CLDN10: variants seen among roughly 807,000 people sequenced by gnomAD.
CLDN10 encodes the protein claudin 10.
A neutral mutation model predicts 22.9 loss-of-function variants in CLDN10; 15 were observed. That is an observed-to-expected ratio of 0.65 (90% CI 0.44 to 1.01). The LOEUF is 1.01. CLDN10 is among the 50% of genes least tolerant of loss of function. The probability of loss-of-function intolerance (pLI) is 0.00; values close to 1 mark genes in which losing one functional copy is unlikely to be tolerated. For missense variants in CLDN10, 247 were observed against 287.8 expected (o/e 0.86, Z 1.03); for synonymous variants, 114 against 111.4 (o/e 1.02, Z -0.15).
chr13:95,456,006 C>T (rs2042478967), intron 1 of CLDN10, among the ~76,000 whole-genome samples: 1 of 152,150 alleles, frequency 6.6e-6, no homozygotes, highest in Non-Finnish European at 1.5e-5. Context: ...AGTTAGACTT[C>T]AAGATGACTT....
chr13:95,491,874 A>T (rs4773907), intron 1 of CLDN10, among the ~76,000 whole-genome samples: 69,667 of 151,348 alleles, frequency 0.46, 16,754 homozygotes, highest in Non-Finnish European at 0.52. Flanking sequence ...GATGTAGTAC[A>T]CCCCCCTTTT....
chr13:95,483,276 T>C (rs1006509028), intron 1 of CLDN10, among the ~76,000 whole-genome samples: 8 of 152,240 alleles, frequency 5.3e-5, no homozygotes, highest in African/African-American at 9.6e-5. Context: ...GGAAACATTA[T>C]TTGGGAGATT....
intron 1 of CLDN10, among the ~76,000 whole-genome samples, chr13:95,500,961 C>A (rs1475599463): frequency 4.6e-5 from 7 of 151,954 alleles, no homozygotes; most frequent in Non-Finnish European, 1.0e-4. Flanking sequence ...GTAAGGGATA[C>A]CATCGAGGGC....
At chr13:95,525,632 C>T (rs9590295) in intron 1 of CLDN10, among the ~76,000 whole-genome samples, 58,598 of 151,882 alleles carry the variant, frequency 0.39, 11,551 homozygotes, top group African/African-American at 0.45. Context: ...GCTGGGATTA[C>T]AGGCGTGCAC....
chr13:95,520,867 C>G (rs2043217574), intron 1 of CLDN10, among the ~76,000 whole-genome samples: 2 of 151,692 alleles, frequency 1.3e-5, no homozygotes, highest in African/African-American at 2.4e-5. Flanking sequence ...GTAGTCCCAG[C>G]TAGTTAGGAG....
At chr13:95,546,952 T>C (rs1236846350) in intron 1 of CLDN10, among the ~76,000 whole-genome samples, 2 of 152,108 alleles carry the variant, frequency 1.3e-5, no homozygotes, top group Non-Finnish European at 2.9e-5. Context: ...TGGTCACTTC[T>C]TTCATTTATT....
At chr13:95,444,103 C>A (rs1260854329) in intron 1 of CLDN10, among the ~76,000 whole-genome samples, 1 of 152,202 alleles carries the variant, frequency 6.6e-6, no homozygotes, top group Non-Finnish European at 1.5e-5. Flanking sequence ...AGCTCCTCTC[C>A]CTGCTCATTG....
At chr13:95,459,252 T>C (rs1308602311) in intron 1 of CLDN10, among the ~76,000 whole-genome samples, 1 of 152,194 alleles carries the variant, frequency 6.6e-6, no homozygotes, top group Non-Finnish European at 1.5e-5. Flanking sequence ...TCTACCATTA[T>C]GGGGTCTGGA....
chr13:95,496,070 T>C (rs1347565011), intron 1 of CLDN10, among the ~76,000 whole-genome samples: 1 of 152,238 alleles, frequency 6.6e-6, no homozygotes, highest in African/African-American at 2.4e-5. Context: ...CTCTTTTCCC[T>C]GAAATGGCAC....
chr13:95,517,382 C>T (rs960810308), intron 1 of CLDN10, among the ~76,000 whole-genome samples: 6 of 152,016 alleles, frequency 3.9e-5, no homozygotes, highest in East Asian at 1.9e-4. Context: ...CCTAGGGATC[C>T]GGTGGTGGGA....
At chr13:95,559,372 C>T (rs1052707043) in intron 1 of CLDN10, among the ~76,000 whole-genome samples, 13 of 152,170 alleles carry the variant, frequency 8.5e-5, no homozygotes, top group Admixed American at 7.2e-4. Flanking sequence ...GATGAACAAA[C>T]GAACTGACAG....
chr13:95,453,366 C>T (rs1422727799), intron 1 of CLDN10, among the ~76,000 whole-genome samples: 1 of 152,204 alleles, frequency 6.6e-6, no homozygotes, highest in African/African-American at 2.4e-5. Flanking sequence ...CAGTCTCAAA[C>T]TCCATTAGCC....
chr13:95,466,070 G>A (rs576762727), intron 1 of CLDN10, among the ~76,000 whole-genome samples: 1 of 151,236 alleles, frequency 6.6e-6, no homozygotes, highest in African/African-American at 2.4e-5. Context: ...ATATTTTTAT[G>A]TTATATATAT....
chr13:95,443,228 G>A (rs912871659), intron 1 of CLDN10, among the ~76,000 whole-genome samples: 1 of 152,180 alleles, frequency 6.6e-6, no homozygotes, highest in African/African-American at 2.4e-5. Flanking sequence ...TGGACCTTAG[G>A]TGAATCCCTG....
At chr13:95,470,921 T>C (rs901162333) in intron 1 of CLDN10, among the ~76,000 whole-genome samples, 1 of 152,044 alleles carries the variant, frequency 6.6e-6, no homozygotes, top group Admixed American at 6.6e-5. Context: ...AGCCAACAAA[T>C]GCATGAGCCC....
At chr13:95,529,970 T>C (rs2043323444) in intron 1 of CLDN10, among the ~76,000 whole-genome samples, 1 of 152,204 alleles carries the variant, frequency 6.6e-6, no homozygotes, top group African/African-American at 2.4e-5. Context: ...CTTTCACTAT[T>C]TAAAACATTG....
At chr13:95,527,606 G>A (rs1303282484) in intron 1 of CLDN10, among the ~76,000 whole-genome samples, 3 of 151,980 alleles carry the variant, frequency 2.0e-5, no homozygotes, top group Admixed American at 2.0e-4. Context: ...CATGATGGTG[G>A]GTGCCTGTAA....
chr13:95,438,979 A>C (rs894282857), intron 1 of CLDN10, among the ~76,000 whole-genome samples: 9 of 97,046 alleles, frequency 9.3e-5, no homozygotes, highest in African/African-American at 3.7e-4. Context: ...CCATCGCAAA[A>C]AAAAAAAAAA....
chr13:95,440,976 T>C lies in CLDN10; in HGVS notation c.214+6929T>C, dbSNP rs1040354049. Among the ~76,000 whole-genome samples the C allele has an allele frequency of 5.9e-5, 9 of 152,264 alleles. No homozygotes were observed. The South Asian group carries it at 8.3e-4, about 14-fold the overall frequency. On this transcript the variant is annotated intron_variant, in intron 1 of 4. Transcript: ENST00000376873. Reference sequence around the variant, plus strand: ...TCTTTCATGGAAGCATCAGAAACTTTTTAAGACATCCTGTCTTCATCCATA... The same window carrying C: ...TCTTTCATGGAAGCATCAGAAACTTCTTAAGACATCCTGTCTTCATCCATA...
Sources: gnomAD v4.1 joint callset for allele counts (sites outside exome capture counted in the v4.1 genomes callset) on GRCh38, gnomAD v4.1.1 for gene constraint, MANE v1.5 for transcripts, NCBI Gene and HGNC (gene_info 2026-07-23, HGNC 2026-07-21) for gene names.